The following DAB1 variants were observed in gnomAD, a reference collection of about 807,000 sequenced individuals.
DAB1 encodes DAB adaptor protein 1.
A neutral mutation model predicts 64.6 loss-of-function variants in DAB1; 15 were observed. The observed-to-expected ratio is 0.23, with a 90% confidence interval of 0.16 to 0.36. DAB1 has a LOEUF of 0.36. Among genes scored for constraint, DAB1 ranks in the 10% least tolerant of loss-of-function variants. The pLI is 1.00. For missense variants in DAB1, 596 were observed against 706.7 expected (o/e 0.84, Z 1.78); for synonymous variants, 235 against 251.9 (o/e 0.93, Z 0.64).
At chr1:57,723,396 C>T (rs1647173582) in intron 6 of DAB1, among the ~76,000 whole-genome samples, 1 of 152,206 alleles carries the variant, frequency 6.6e-6, no homozygotes. Context: ...GCCTGTTTCA[C>T]AGCCTTATGC....
At chr1:57,138,896 A>C (rs145997176) in intron 3 of DAB1, among the ~76,000 whole-genome samples, 14 of 152,300 alleles carry the variant, frequency 9.2e-5, no homozygotes, top group African/African-American at 3.1e-4. Context: ...ACAAAAGTTC[A>C]GTTGTGCATG....
chr1:57,467,665 T>A (rs74074732), intron 7 of DAB1, among the ~76,000 whole-genome samples: 6,356 of 152,236 alleles, frequency 0.042, 206 homozygotes, highest in East Asian at 0.18. Context: ...TTGCTGTACA[T>A]CCAGCACAGT....
chr1:58,032,386 A>G (rs1221839015), intron 5 of DAB1, among the ~76,000 whole-genome samples: 1 of 152,222 alleles, frequency 6.6e-6, no homozygotes, highest in African/African-American at 2.4e-5. Context: ...TAGCTATCTC[A>G]AAAGCTGTTG....
intron 1 of DAB1, among the ~76,000 whole-genome samples, chr1:57,358,935 T>G (rs2100889228): frequency 6.6e-6 from 1 of 152,048 alleles, no homozygotes; most frequent in African/African-American, 2.4e-5. Context: ...AATTTACTTC[T>G]CACCATATAC....
intron 1 of DAB1, among the ~76,000 whole-genome samples, chr1:57,829,177 T>G (rs1652480875): frequency 6.6e-6 from 1 of 152,224 alleles, no homozygotes; most frequent in African/African-American, 2.4e-5. Context: ...ATTCTTCTCT[T>G]GCCAAGGTGC....
intron 3 of DAB1, among the ~76,000 whole-genome samples, chr1:58,465,084 T>A (rs1396621839): frequency 1.3e-5 from 2 of 152,178 alleles, no homozygotes; most frequent in Non-Finnish European, 2.9e-5. Flanking sequence ...ATTGGCTGAG[T>A]TGCTGTTAAC....
chr1:58,196,217 C>T (rs866454299), intron 4 of DAB1, among the ~76,000 whole-genome samples: 17 of 152,280 alleles, frequency 1.1e-4, no homozygotes, highest in Middle Eastern at 3.4e-3. Flanking sequence ...TGTGCAAATG[C>T]AGGAGGTGAA....
intron 6 of DAB1, among the ~76,000 whole-genome samples, chr1:57,795,109 G>C (rs187484254): frequency 1.2e-4 from 18 of 152,338 alleles, no homozygotes; most frequent in African/African-American, 4.3e-4. Context: ...TGGTGGCAGT[G>C]TTAACATGTG....
chr1:57,773,149 A>G lies in DAB1; in HGVS notation n.551+110850T>C, dbSNP rs533528718. Among the ~76,000 whole-genome samples, 24 of 152,182 alleles carry G rather than the reference A, an allele frequency of 1.6e-4. No individual in the cohort carries two copies. The East Asian group carries it at 3.7e-3, about 23-fold the overall frequency. On this transcript the variant is annotated intron_variant and non_coding_transcript_variant, in intron 6 of 20. Transcript: ENST00000485760. ...GACTTCTACCCTGCAGATCTGTGTG[A>G]GAAAAAATTTCTGTTGTTTTAAGCC...
intron 1 of DAB1, among the ~76,000 whole-genome samples, chr1:57,320,708 T>C (rs1426585788): frequency 6.6e-6 from 1 of 152,208 alleles, no homozygotes; most frequent in Non-Finnish European, 1.5e-5. Flanking sequence ...ATATCACCAT[T>C]ATCATTTGTT....
chr1:57,640,671 G>A (rs956783663), intron 7 of DAB1, among the ~76,000 whole-genome samples: 3 of 152,130 alleles, frequency 2.0e-5, no homozygotes, highest in African/African-American at 7.2e-5. Context: ...AAGTTAAATG[G>A]GTTCAGCACT....
chr1:57,197,028 C>T (rs112510289), intron 2 of DAB1, among the ~76,000 whole-genome samples: 4,076 of 152,224 alleles, frequency 0.027, 87 homozygotes, highest in African/African-American at 0.061. Flanking sequence ...GATGAGGATA[C>T]AGAGGCACAG....
intron 9 of DAB1, among the ~76,000 whole-genome samples, chr1:57,028,524 G>A (rs998818853): frequency 6.6e-6 from 1 of 152,200 alleles, no homozygotes; most frequent in Non-Finnish European, 1.5e-5. Flanking sequence ...ACAGGCAGAG[G>A]TTGAAACAGT....
At chr1:57,217,834 C>T (rs1370106578) in intron 2 of DAB1, among the ~76,000 whole-genome samples, 2 of 151,970 alleles carry the variant, frequency 1.3e-5, no homozygotes, top group South Asian at 2.1e-4. Flanking sequence ...CTACCAATCC[C>T]CCCACCCCAC....
chr1:58,306,111 C>G (rs1569626708), intron 4 of DAB1, among the ~76,000 whole-genome samples: 1 of 152,280 alleles, frequency 6.6e-6, no homozygotes, highest in East Asian at 1.9e-4. Context: ...AGCTGTCTCC[C>G]TGACAGAAAG....
intron 5 of DAB1, among the ~76,000 whole-genome samples, chr1:57,966,368 C>T (rs531754109): frequency 2.6e-5 from 4 of 152,130 alleles, no homozygotes; most frequent in Admixed American, 2.0e-4. Flanking sequence ...GGAATGTTGC[C>T]CCCTCATCAT....
At chr1:58,460,097 T>C (rs1645228720) in intron 3 of DAB1, among the ~76,000 whole-genome samples, 2 of 152,156 alleles carry the variant, frequency 1.3e-5, no homozygotes, top group African/African-American at 4.8e-5. Flanking sequence ...GAAACCACCA[T>C]AAACATGAAC....
At chr1:58,302,880 A>G (rs1662206790) in intron 4 of DAB1, among the ~76,000 whole-genome samples, 1 of 152,168 alleles carries the variant, frequency 6.6e-6, no homozygotes, top group African/African-American at 2.4e-5. Context: ...CACCCAGACC[A>G]GAATTCAAAC....
intron 2 of DAB1, among the ~76,000 whole-genome samples, chr1:57,155,516 A>G (rs1462390046): frequency 6.6e-6 from 1 of 150,888 alleles, no homozygotes; most frequent in Non-Finnish European, 1.5e-5. Flanking sequence ...ATGGCTTTAG[A>G]TAGTCTGAGT....
Sources: allele counts gnomAD v4.1 joint callset (sites outside exome capture counted in the v4.1 genomes callset), GRCh38; gene constraint gnomAD v4.1.1; transcripts MANE v1.5; gene names NCBI Gene and HGNC (gene_info 2026-07-23, HGNC 2026-07-21).